The following SPECC1 variants were observed in gnomAD, a reference collection of about 807,000 sequenced individuals.
The protein encoded by SPECC1 is cytospin-B.
A neutral mutation model predicts 104.1 loss-of-function variants in SPECC1; 62 were observed. That is an observed-to-expected ratio of 0.60 (90% CI 0.49 to 0.74). The LOEUF is 0.74. SPECC1 is among the 30% of genes least tolerant of loss of function. The pLI, the probability that SPECC1 is intolerant of heterozygous loss-of-function variation, is 0.00. For synonymous variants in SPECC1, 513 were observed against 501.6 expected (o/e 1.02, Z -0.30); for missense variants, 1,306 against 1,310.5 (o/e 1.00, Z 0.05).
chr17:20,154,019 C>T (rs1369599260), intron 3 of SPECC1, among the ~76,000 whole-genome samples: 2 of 152,206 alleles, frequency 1.3e-5, no homozygotes, highest in Non-Finnish European at 2.9e-5. Flanking sequence ...AAAACTGTGA[C>T]TCTTGTCTTT....
intron 7 of SPECC1, chr17:20,236,806 T>C: frequency 6.2e-7 from 1 of 1,610,714 alleles, no homozygotes; most frequent in African/African-American, 1.3e-5. Context: ...ACTAAGACTG[T>C]ATTGCCTTAG....
chr17:20,056,824 A>C (rs2045982592), intron 1 of SPECC1, among the ~76,000 whole-genome samples: 1 of 151,704 alleles, frequency 6.6e-6, no homozygotes, highest in Non-Finnish European at 1.5e-5. Flanking sequence ...TCTGAAGAGA[A>C]AAAAATAATT....
At chr17:20,056,334 G>C in intron 1 of SPECC1, 1 of 188,610 alleles carries the variant, frequency 5.3e-6, no homozygotes, top group Non-Finnish European at 1.1e-5. Context: ...TTGGGAACCC[G>C]CAGAAGCCTG....
chr17:20,173,267 A>G (rs761189210), intron 3 of SPECC1, among the ~76,000 whole-genome samples: 8 of 152,176 alleles, frequency 5.3e-5, no homozygotes, highest in South Asian at 2.1e-4. Flanking sequence ...TTTCTGTTTT[A>G]TTTCACGTTT....
intron 12 of SPECC1, among the ~76,000 whole-genome samples, chr17:20,288,767 A>G (rs1444210095): frequency 6.8e-5 from 9 of 132,238 alleles, no homozygotes; most frequent in South Asian, 2.5e-4. Flanking sequence ...GGTGAAGGGC[A>G]CTTCTTTTTT....
chr17:20,067,805 C>T (rs2046409553), intron 1 of SPECC1, among the ~76,000 whole-genome samples: 1 of 152,112 alleles, frequency 6.6e-6, no homozygotes, highest in Admixed American at 6.5e-5. Flanking sequence ...ATAGTTGGCA[C>T]TGTCAAATTC....
intron 3 of SPECC1, among the ~76,000 whole-genome samples, chr17:20,148,535 G>T (rs2031677237): frequency 8.5e-6 from 1 of 117,070 alleles, no homozygotes; most frequent in African/African-American, 3.4e-5. Flanking sequence ...AGCAGTACAT[G>T]TGCACTAGAA....
At chr17:20,029,947 A>G (rs558925143) in intron 1 of SPECC1, among the ~76,000 whole-genome samples, 2 of 152,076 alleles carry the variant, frequency 1.3e-5, no homozygotes, top group East Asian at 1.9e-4. Flanking sequence ...GTTGCTAGGA[A>G]TGATATAGCT....
At chr17:20,221,104 G>A (rs1365695324) in intron 4 of SPECC1, among the ~76,000 whole-genome samples, 1 of 152,142 alleles carries the variant, frequency 6.6e-6, no homozygotes, top group Non-Finnish European at 1.5e-5. Flanking sequence ...GTTCACCAGG[G>A]ATATTGGCCT....
chr17:20,174,015 C>T (rs1390308759), intron 3 of SPECC1, among the ~76,000 whole-genome samples: 1 of 150,386 alleles, frequency 6.6e-6, no homozygotes, highest in Non-Finnish European at 1.5e-5. Context: ...TCACTGCAAT[C>T]TCCACCTCCC....
At chr17:20,248,363 C>T (rs2039502254) in intron 9 of SPECC1, among the ~76,000 whole-genome samples, 1 of 152,042 alleles carries the variant, frequency 6.6e-6, no homozygotes, top group African/African-American at 2.4e-5. Flanking sequence ...ATAAGTCGCC[C>T]TACAAGGAGA....
In SPECC1 at chr17:20,298,948, A is replaced by AGTGT. The variant is rs1555535565; in HGVS notation, c.3057+1892_3057+1895dup. 2.9e-4 allele frequency among the ~76,000 whole-genome samples: 14 copies of AGTGT among 49,072 alleles called. 1 individual carries two copies. The highest frequency in any genetic ancestry group is 4.4e-4 in the Non-Finnish European group (12 of 27,284). The allele number at this position is 49,072 out of a possible 152,430, so 32.2% of individuals were successfully genotyped here. ...GAGAGAGAGAGAGAGAGAGAGAGAG[A>AGTGT]GTGTGTGTGTGTGTGTGTGTGTGTA... On this transcript the variant is annotated intron_variant, in intron 13 of 14. Transcript: ENST00000395527.
chr17:20,156,279 C>CT (rs1555616307), intron 3 of SPECC1: 6 of 1,213,654 alleles, frequency 4.9e-6, no homozygotes, highest in Non-Finnish European at 6.1e-6. Flanking sequence ...CGCAACCCCA[C>CT]CCCCCCTCCA....
At chr17:20,020,833 T>C (rs780603358) in intron 1 of SPECC1, among the ~76,000 whole-genome samples, 22 of 152,210 alleles carry the variant, frequency 1.4e-4, no homozygotes, top group Admixed American at 2.6e-4. Flanking sequence ...GAGGTTCATA[T>C]AATACTTTTG....
At chr17:20,112,776 A>G in intron 3 of SPECC1, 1 of 1,350,212 alleles carries the variant, frequency 7.4e-7, no homozygotes, top group Non-Finnish European at 1.1e-6. Context: ...GAAGGAAGTC[A>G]GATAACAGGA....
At chr17:20,207,169 T>G (rs1034000097) in intron 4 of SPECC1, among the ~76,000 whole-genome samples, 2 of 152,146 alleles carry the variant, frequency 1.3e-5, no homozygotes, top group African/African-American at 4.8e-5. Flanking sequence ...GGGTTGTCAT[T>G]GTTTCAAGGA....
chr17:20,313,585 C>T (rs1405833883), intron 14 of SPECC1, among the ~76,000 whole-genome samples: 1 of 152,170 alleles, frequency 6.6e-6, no homozygotes, highest in East Asian at 1.9e-4. Context: ...TGGCACAGCC[C>T]ACGTAATAGC....
At chr17:20,236,791 T>A in intron 7 of SPECC1, 2 of 1,601,444 alleles carry the variant, frequency 1.2e-6, no homozygotes, top group African/African-American at 1.3e-5. Flanking sequence ...TTCTTGCGTT[T>A]GTGAACTAAG....
At chr17:20,122,267 G>A (rs1490791634) in intron 3 of SPECC1, among the ~76,000 whole-genome samples, 2 of 152,190 alleles carry the variant, frequency 1.3e-5, no homozygotes, top group African/African-American at 4.8e-5. Flanking sequence ...TTTGCACAGA[G>A]CAGTGATATG....
Sources: allele counts gnomAD v4.1 joint callset (sites outside exome capture counted in the v4.1 genomes callset), GRCh38; gene constraint gnomAD v4.1.1; transcripts MANE v1.5; gene names NCBI Gene and HGNC (gene_info 2026-07-23, HGNC 2026-07-21).